PPHLN1: variants seen among roughly 807,000 people sequenced by gnomAD.
The protein encoded by PPHLN1 is periphilin-1.
Under a neutral mutation model 51.3 loss-of-function variants are expected in PPHLN1, and 29 were observed. The ratio of observed to expected loss-of-function variants is 0.57; its 90% CI spans 0.42 to 0.77. The LOEUF is 0.77. Among genes scored for constraint, PPHLN1 ranks in the 30% least tolerant of loss-of-function variants. The pLI, the probability that PPHLN1 is intolerant of heterozygous loss-of-function variation, is 0.00. For missense variants in PPHLN1, 436 were observed against 438.4 expected (o/e 0.99, Z 0.05); for synonymous variants, 147 against 147.8 (o/e 0.99, Z 0.04).
chr12:42,358,191 C>T (rs73270272), intron 4 of PPHLN1, among the ~76,000 whole-genome samples: 1,791 of 152,066 alleles, frequency 0.012, 32 homozygotes, highest in African/African-American at 0.04. Context: ...TGTAAAATAA[C>T]AGTTTTTATG....
chr12:42,360,110 CAAA>C (rs10643805), intron 4 of PPHLN1, among the ~76,000 whole-genome samples: 1 of 123,124 alleles, frequency 8.1e-6, no homozygotes, highest in Non-Finnish European at 1.6e-5. Context: ...GACTCCATCT[CAAA>C]AAAAAAAAAA....
At chr12:42,368,288 A>G (rs1381079133) in intron 4 of PPHLN1, among the ~76,000 whole-genome samples, 9 of 152,026 alleles carry the variant, frequency 5.9e-5, no homozygotes, top group Non-Finnish European at 1.2e-4. Flanking sequence ...TAGCTTTTCA[A>G]TTCACCTGAA....
At chr12:42,442,563 T>C (rs2140020094), downstream of PPHLN1, 1 of 1,592,452 alleles carries the variant, frequency 6.3e-7, no homozygotes, top group South Asian at 1.1e-5. Context: ...TGGGCTGCGC[T>C]AAAGCCGGCA....
At chr12:42,351,068 CTTATG>C (rs752515142) in intron 2 of PPHLN1, among the ~76,000 whole-genome samples, 15 of 151,682 alleles carry the variant, frequency 9.9e-5, no homozygotes, top group Non-Finnish European at 1.8e-4. Flanking sequence ...TCATATTGAT[CTTATG>C]TTATATCAGG....
intron 9 of PPHLN1, among the ~76,000 whole-genome samples, chr12:42,409,546 A>C (rs948675414): frequency 5.3e-5 from 8 of 152,148 alleles, no homozygotes; most frequent in African/African-American, 1.9e-4. Context: ...TATTTTAATC[A>C]TACAATCCCC....
chr12:42,412,374 T>TA (rs1237395647), intron 9 of PPHLN1, among the ~76,000 whole-genome samples: 1 of 152,116 alleles, frequency 6.6e-6, no homozygotes, highest in Non-Finnish European at 1.5e-5. Context: ...TTACTTCACT[T>TA]AGAGTATTGG....
chr12:42,399,197 T>TA, intron 9 of PPHLN1: 1 of 1,222,678 alleles, frequency 8.2e-7, no homozygotes, highest in Non-Finnish European at 1.0e-6. Context: ...TATTTTTAAA[T>TA]AAAAAACAGA....
chr12:42,390,662 G>A (rs944572755), intron 7 of PPHLN1, among the ~76,000 whole-genome samples: 12 of 144,998 alleles, frequency 8.3e-5, no homozygotes, highest in African/African-American at 3.1e-4. Flanking sequence ...AACATTACGT[G>A]ATTTTTTCCT....
intron 8 of PPHLN1, among the ~76,000 whole-genome samples, chr12:42,396,401 C>T (rs1424753312): frequency 1.3e-5 from 2 of 151,878 alleles, no homozygotes; most frequent in Non-Finnish European, 2.9e-5. Flanking sequence ...AGGTACCATC[C>T]TAGCCATCAA....
chr12:42,386,336 A>C (rs544109056), intron 6 of PPHLN1, among the ~76,000 whole-genome samples: 2 of 152,384 alleles, frequency 1.3e-5, no homozygotes, highest in East Asian at 3.9e-4. Context: ...GTTAAGAACC[A>C]CTGGGCTAGA....
intron 9 of PPHLN1, among the ~76,000 whole-genome samples, chr12:42,412,836 A>G (rs2079997107): frequency 6.6e-6 from 1 of 151,756 alleles, no homozygotes; most frequent in African/African-American, 2.4e-5. Context: ...GTAATGTGGT[A>G]TCTCGTTGTT....
At chr12:42,374,707 G>T (rs1436298876) in intron 4 of PPHLN1, 156 bp from the exon 5 acceptor site, 2 of 564,412 alleles carry the variant, frequency 3.5e-6, no homozygotes, top group Non-Finnish European at 6.1e-6. Context: ...GCCCGTCTCG[G>T]CCTCCCAAAG....
At chr12:42,423,425 A>T (rs2081171332) in intron 9 of PPHLN1, among the ~76,000 whole-genome samples, 1 of 152,124 alleles carries the variant, frequency 6.6e-6, no homozygotes, top group African/African-American at 2.4e-5. Context: ...TATATTAGTT[A>T]TGAGTAATAC....
chr12:42,422,384 G>A (rs906143963), intron 9 of PPHLN1, among the ~76,000 whole-genome samples: 1 of 152,132 alleles, frequency 6.6e-6, no homozygotes, highest in Non-Finnish European at 1.5e-5. Flanking sequence ...TGTCTATGTT[G>A]TATCTACATG....
In PPHLN1 at chr12:42,331,228, C is replaced by G. The variant is rs556546718; in HGVS notation, c.-20-4655C>G. 2.6e-5 allele frequency among the ~76,000 whole-genome samples: 4 copies of G among 152,170 alleles called. No homozygotes were observed. The East Asian group carries it at 7.7e-4, about 29-fold the overall frequency. On this transcript the variant is annotated intron_variant, in intron 1 of 9. Coordinates refer to ENST00000358314, the MANE Select transcript of PPHLN1 (RefSeq NM_201439.2). Reference sequence around the variant, plus strand: ...ATAGTTGTTGAAAGAATATAAAAAGCGAAGGAATGAGTTTTGGTGGGGAGG... The same window carrying G: ...ATAGTTGTTGAAAGAATATAAAAAGGGAAGGAATGAGTTTTGGTGGGGAGG...
intron 7 of PPHLN1, 79 bp from the exon 8 acceptor site, chr12:42,393,491 T>C: frequency 3.0e-6 from 4 of 1,350,078 alleles, no homozygotes; most frequent in Non-Finnish European, 4.0e-6. Context: ...ATTTTAAATG[T>C]AAGTGGAGTG....
At chr12:42,426,197 CA>C (rs1413661681) in intron 9 of PPHLN1, among the ~76,000 whole-genome samples, 4 of 148,894 alleles carry the variant, frequency 2.7e-5, no homozygotes, top group African/African-American at 9.9e-5. Flanking sequence ...CACACACACA[CA>C]CACACACACA....
intron 9 of PPHLN1, among the ~76,000 whole-genome samples, chr12:42,428,210 A>G (rs914003822): frequency 2.6e-5 from 4 of 152,226 alleles, no homozygotes; most frequent in African/African-American, 9.6e-5. Context: ...GAGATTCCTT[A>G]AAGAACTAAA....
At chr12:42,443,073 G>GCGACCA, downstream of PPHLN1, 14 of 206,132 alleles carry the variant, frequency 6.8e-5, no homozygotes, top group South Asian at 1.9e-4. Context: ...GGCTACTTTG[G>GCGACCA]CCTTGCTCTA....
Sources: allele counts gnomAD v4.1 joint callset (sites outside exome capture counted in the v4.1 genomes callset), GRCh38; gene constraint gnomAD v4.1.1; transcripts MANE v1.5; gene names NCBI Gene and HGNC (gene_info 2026-07-23, HGNC 2026-07-21).